Variants in PRUNE2 observed in about 807,000 individuals in gnomAD.
PRUNE2 encodes prune homolog 2 with BCH domain.
PRUNE2 carries 164 observed loss-of-function variants against 252.0 expected under a neutral mutation model. The observed-to-expected ratio is 0.65, with a 90% CI of 0.57 to 0.74. The LOEUF is 0.74. PRUNE2 is among the 30% of genes least tolerant of loss of function. PRUNE2 has a pLI of 0.00. For missense variants in PRUNE2, 3,495 were observed against 3,711.0 expected, an observed-to-expected ratio of 0.94 and a Z score of 1.51; for synonymous variants, 1,292 against 1,350.2, an observed-to-expected ratio of 0.96 and a Z score of 0.94.
chr9:76,812,161 T>C (rs944563776), intron 6 of PRUNE2, among the ~76,000 whole-genome samples: 2 of 152,190 alleles, frequency 1.3e-5, no homozygotes, highest in Non-Finnish European at 2.9e-5. Flanking sequence ...TCTGTGTCTC[T>C]AGCCGAATAG....
chr9:76,820,203 G>A (rs957278790), intron 6 of PRUNE2, among the ~76,000 whole-genome samples: 6 of 152,060 alleles, frequency 3.9e-5, no homozygotes, highest in Non-Finnish European at 8.8e-5. Flanking sequence ...TCTACACACC[G>A]CCCCTCAAAA....
chr9:76,833,014 T>C (rs1272094365), intron 4 of PRUNE2, among the ~76,000 whole-genome samples: 1 of 152,112 alleles, frequency 6.6e-6, no homozygotes, highest in Non-Finnish European at 1.5e-5. Context: ...TATTTAAAAA[T>C]GAATCCATAG....
At chr9:76,779,344 G>C (rs917727046) in intron 6 of PRUNE2, among the ~76,000 whole-genome samples, 6 of 152,122 alleles carry the variant, frequency 3.9e-5, no homozygotes, top group African/African-American at 1.2e-4. Context: ...TCTTTGTGGG[G>C]AAGGACAAAG....
chr9:76,905,390 G>A (rs1387009735), intron 1 of PRUNE2, among the ~76,000 whole-genome samples: 1 of 152,170 alleles, frequency 6.6e-6, no homozygotes, highest in Non-Finnish European at 1.5e-5. Flanking sequence ...ACAGGAATTA[G>A]CGAGACACAA....
chr9:76,679,787 A>C (rs1350817292), intron 9 of PRUNE2, among the ~76,000 whole-genome samples: 1 of 152,250 alleles, frequency 6.6e-6, no homozygotes, highest in Non-Finnish European at 1.5e-5. Flanking sequence ...TCAACAAATG[A>C]TGCTGGGAAA....
intron 4 of PRUNE2, 135 bp downstream of exon 4, chr9:76,846,380 G>T: frequency 1.6e-6 from 1 of 636,058 alleles, no homozygotes; most frequent in Non-Finnish European, 2.6e-6. Flanking sequence ...TTTACTCCCT[G>T]CCTCTCTGAT....
chr9:76,726,215 G>A (rs1386576956), intron 6 of PRUNE2, among the ~76,000 whole-genome samples: 2 of 152,168 alleles, frequency 1.3e-5, no homozygotes, highest in Non-Finnish European at 2.9e-5. Flanking sequence ...CTTGGGTTCG[G>A]TGCCTATCTC....
intron 6 of PRUNE2, chr9:76,787,687 A>G (rs899736627): frequency 1.3e-5 from 2 of 152,178 alleles, no homozygotes; most frequent in Non-Finnish European, 2.9e-5. Flanking sequence ...CTTTGTCTCC[A>G]TAGCCAAAGA....
At chr9:76,752,247 GCCA>G (rs1001446198) in intron 6 of PRUNE2, among the ~76,000 whole-genome samples, 2 of 152,004 alleles carry the variant, frequency 1.3e-5, no homozygotes, top group African/African-American at 4.8e-5. Context: ...ACAGGTGCCC[GCCA>G]CCACACCTGG....
In PRUNE2 at chr9:76,614,347, A is replaced by G. The variant is rs1374631915; in HGVS notation, c.*223T>C. 3 of 581,706 alleles carry G rather than the reference A, an allele frequency of 5.2e-6. No homozygotes were observed. Among genetic ancestry groups the G allele is most frequent in the African/African-American group, 3.8e-5 (2 of 52,850 alleles). 36.0% of individuals were successfully genotyped at this position (581,706 alleles called of 1,614,324 possible). A position where few individuals can be genotyped will look rare whatever the true frequency, so the allele number is the denominator to read the frequency against. ...GGTCCTACTTTCTTGCTAAGGCTCA[A>G]CTAAAATCTTTGAGGCACATAATTG... On this transcript the variant is annotated 3_prime_UTR_variant, in exon 19 of 19. Coordinates refer to ENST00000376718, the MANE Select transcript of PRUNE2 (RefSeq NM_015225.3).
intron 4 of PRUNE2, 148 bp downstream of exon 4, chr9:76,846,367 C>T (rs2059669224): frequency 3.5e-6 from 2 of 578,354 alleles, no homozygotes; most frequent in Admixed American, 3.0e-5. Flanking sequence ...CTTTAACAAA[C>T]TCTTTACTCC....
At chr9:76,738,848 C>T (rs920057639) in intron 6 of PRUNE2, 7 of 152,290 alleles carry the variant, frequency 4.6e-5, no homozygotes, top group Admixed American at 3.9e-4. Context: ...TTATTTGATA[C>T]TTCTCATGTT....
intron 4 of PRUNE2, among the ~76,000 whole-genome samples, chr9:76,830,438 C>T (rs938331922): frequency 1.3e-5 from 2 of 151,926 alleles, no homozygotes; most frequent in South Asian, 4.2e-4. Flanking sequence ...GATCATTTGA[C>T]ATCAGGAGTT....
At chr9:76,849,629 C>T (rs2059848160) in intron 3 of PRUNE2, among the ~76,000 whole-genome samples, 2 of 152,052 alleles carry the variant, frequency 1.3e-5, no homozygotes, top group African/African-American at 4.8e-5. Flanking sequence ...AGTTCAAGAC[C>T]AGCCTGGCCA....
intron 10 of PRUNE2, among the ~76,000 whole-genome samples, chr9:76,653,752 TC>T (rs11350555): frequency 0.093 from 14,149 of 152,032 alleles, 1,735 homozygotes; most frequent in African/African-American, 0.28. Flanking sequence ...CAGGTAACAT[TC>T]TTTGAACTCA....
chr9:76,810,436 GAATAC>G (rs1341786405), intron 6 of PRUNE2, among the ~76,000 whole-genome samples: 1 of 152,184 alleles, frequency 6.6e-6, no homozygotes, highest in Non-Finnish European at 1.5e-5. Context: ...ACCATGCTAT[GAATAC>G]AATAAGCATC....
intron 9 of PRUNE2, among the ~76,000 whole-genome samples, chr9:76,676,322 G>C (rs182349258): frequency 4.7e-5 from 7 of 148,720 alleles, no homozygotes; most frequent in Admixed American, 4.7e-4. Flanking sequence ...CTATCAGTAA[G>C]GGAATGATTA....
chr9:76,633,441 CGTG>C (rs1042766460), intron 15 of PRUNE2, among the ~76,000 whole-genome samples: 1 of 150,984 alleles, frequency 6.6e-6, no homozygotes, highest in African/African-American at 2.4e-5. Flanking sequence ...CTTAGCCAGG[CGTG>C]GTGGTACATA....
chr9:76,845,000 T>TAAAAAAAA (rs55754002), intron 4 of PRUNE2, among the ~76,000 whole-genome samples: 2 of 60,752 alleles, frequency 3.3e-5, no homozygotes, highest in African/African-American at 1.2e-4. Context: ...CCCCCTCTCT[T>TAAAAAAAA]AAAAAAAAAA....
Sources: gnomAD v4.1 joint callset for allele counts (sites outside exome capture counted in the v4.1 genomes callset) on GRCh38, gnomAD v4.1.1 for gene constraint, MANE v1.5 for transcripts, NCBI Gene and HGNC (gene_info 2026-07-23, HGNC 2026-07-21) for gene names.